The following PCDH15 variants were observed in gnomAD, a reference collection of about 807,000 sequenced individuals.
PCDH15 encodes protocadherin related 15, also known as protocadherin-15.
In PCDH15, 129 loss-of-function variants were observed where a neutral mutation model predicts 178.5. The observed-to-expected ratio is 0.72, with a 90% CI of 0.63 to 0.84. The LOEUF is 0.84. Ranked by LOEUF, PCDH15 falls within the 40% of genes least tolerant of loss-of-function variation. The pLI is 0.00. For synonymous variants in PCDH15, 800 were observed against 732.0 expected, an observed-to-expected ratio of 1.09 and a Z score of -1.50; for missense variants, 2,230 against 2,099.9, an observed-to-expected ratio of 1.06 and a Z score of -1.21.
At chr10:53,849,368 T>A (rs2078193876) in intron 28 of PCDH15, among the ~76,000 whole-genome samples, 1 of 152,142 alleles carries the variant, frequency 6.6e-6, no homozygotes, top group Admixed American at 6.6e-5. Flanking sequence ...AAACAGAAGC[T>A]GTTATAATAG....
At chr10:54,098,321 T>C (rs528840521) in intron 15 of PCDH15, among the ~76,000 whole-genome samples, 1 of 151,994 alleles carries the variant, frequency 6.6e-6, no homozygotes, top group African/African-American at 2.4e-5. Context: ...CACACTGATA[T>C]AAATATTTCA....
At chr10:55,063,682 G>A (rs1190888751) in intron 2 of PCDH15, among the ~76,000 whole-genome samples, 4 of 152,066 alleles carry the variant, frequency 2.6e-5, no homozygotes, top group Non-Finnish European at 4.4e-5. Flanking sequence ...CAACAGATAC[G>A]CATAAACATT....
intron 18 of PCDH15, among the ~76,000 whole-genome samples, chr10:54,065,622 T>G (rs7917052): frequency 0.4 from 61,537 of 152,022 alleles, 12,911 homozygotes; most frequent in Middle Eastern, 0.55. Flanking sequence ...CCTATGTGAA[T>G]TGGGATGGCA....
chr10:54,663,629 A>G lies in PCDH15; in HGVS notation c.91+543T>C, dbSNP rs1236946199. On this transcript the variant is annotated intron_variant, in intron 2 of 37. Coordinates refer to ENST00000644397, the MANE Select transcript of PCDH15 (RefSeq NM_001384140.1). ...CTGACTTACTGTTAGGGGAAAGCTT[A>G]AGAAATCAAATACCAAATCAAATAC... 1.3e-4 allele frequency among the ~76,000 whole-genome samples: 19 copies of G among 151,122 alleles called. No individual in the cohort carries two copies. In the Admixed American group the frequency reaches 1.3e-3, roughly 10 times the overall value.
chr10:54,347,479 A>G (rs978131635), intron 5 of PCDH15, among the ~76,000 whole-genome samples: 3 of 152,090 alleles, frequency 2.0e-5, no homozygotes, highest in Admixed American at 1.3e-4. Flanking sequence ...TACAGACTGG[A>G]CGCTTTTAAT....
At chr10:54,714,358 T>TA (rs1566014446) in intron 1 of PCDH15, among the ~76,000 whole-genome samples, 1 of 152,134 alleles carries the variant, frequency 6.6e-6, no homozygotes, top group East Asian at 1.9e-4. Flanking sequence ...TAATAGAACT[T>TA]ACAGCACGTA....
chr10:54,673,484 G>C (rs1227712016), intron 1 of PCDH15, among the ~76,000 whole-genome samples: 1 of 152,104 alleles, frequency 6.6e-6, no homozygotes, highest in Non-Finnish European at 1.5e-5. Context: ...TGTTGCCCAG[G>C]CTGGAGTGCA....
chr10:54,541,500 A>T (rs1027462164), intron 2 of PCDH15, among the ~76,000 whole-genome samples: 3 of 152,122 alleles, frequency 2.0e-5, no homozygotes, highest in Admixed American at 1.3e-4. Flanking sequence ...CTCTTTTTTG[A>T]TACATACAGT....
chr10:54,887,431 T>C (rs1311444607), intron 3 of PCDH15, among the ~76,000 whole-genome samples: 2 of 152,176 alleles, frequency 1.3e-5, no homozygotes, highest in Non-Finnish European at 2.9e-5. Flanking sequence ...TCTAAGTGAT[T>C]ATATCCCGTT....
At chr10:55,143,489 T>C (rs773096103) in intron 2 of PCDH15, among the ~76,000 whole-genome samples, 4 of 152,174 alleles carry the variant, frequency 2.6e-5, no homozygotes, top group Non-Finnish European at 5.9e-5. Flanking sequence ...CATCTATCAA[T>C]ACTTTAGATT....
chr10:55,158,097 TACAC>T (rs61483631), intron 2 of PCDH15, among the ~76,000 whole-genome samples: 2 of 122,634 alleles, frequency 1.6e-5, no homozygotes, highest in Non-Finnish European at 1.8e-5. Flanking sequence ...TATATATATA[TACAC>T]ATATCTTTTA....
chr10:54,068,071 G>A (rs1230572671), intron 17 of PCDH15, among the ~76,000 whole-genome samples: 3 of 151,968 alleles, frequency 2.0e-5, no homozygotes, highest in Non-Finnish European at 4.4e-5. Flanking sequence ...GCAAGTCATG[G>A]TGCTTGGGAA....
rs2078910308 is a variant in PCDH15 at position 54,483,956 on chromosome 10, T to A, written c.157+43856A>T. 3.3e-5 allele frequency among the ~76,000 whole-genome samples: 5 copies of A among 151,912 alleles called. No individual in the cohort carries two copies. The South Asian group carries it at 1.0e-3, about 31-fold the overall frequency. On this transcript the variant is annotated intron_variant, in intron 3 of 37. Transcript: ENST00000644397. ...TCCAAACTTGAGTTTGACACATTTT[T>A]AATACCTATGCTATTCCTTACAAGC...
intron 1 of PCDH15, among the ~76,000 whole-genome samples, chr10:54,728,026 T>A (rs1942817850): frequency 6.6e-6 from 1 of 151,438 alleles, no homozygotes; most frequent in Non-Finnish European, 1.5e-5. Flanking sequence ...CTGGTACCAA[T>A]CCTACTGAAA....
At chr10:55,165,656 G>C (rs1417550662) in intron 2 of PCDH15, among the ~76,000 whole-genome samples, 2 of 152,082 alleles carry the variant, frequency 1.3e-5, no homozygotes, top group East Asian at 3.9e-4. Context: ...GTGGATGAAA[G>C]AGAGTTTTTT....
intron 13 of PCDH15, among the ~76,000 whole-genome samples, chr10:54,169,275 G>A (rs1437179648): frequency 5.1e-5 from 3 of 58,554 alleles, no homozygotes; most frequent in South Asian, 3.9e-4. Context: ...CACGGACGCC[G>A]AGCTTCGGGT....
chr10:55,609,953 A>T (rs150023176), intron 2 of PCDH15, among the ~76,000 whole-genome samples: 1 of 152,168 alleles, frequency 6.6e-6, no homozygotes, highest in Non-Finnish European at 1.5e-5. Context: ...AAACTGTCAT[A>T]ATAAGGAGAA....
At chr10:54,618,565 G>C (rs1240530364) in intron 2 of PCDH15, among the ~76,000 whole-genome samples, 1 of 152,012 alleles carries the variant, frequency 6.6e-6, no homozygotes, top group African/African-American at 2.4e-5. Flanking sequence ...GAGTTACTAG[G>C]ATTGTAAAGA....
chr10:54,816,568 G>A (rs1952953094), intron 3 of PCDH15, among the ~76,000 whole-genome samples: 1 of 151,932 alleles, frequency 6.6e-6, no homozygotes, highest in African/African-American at 2.4e-5. Context: ...ATTTGTGTGG[G>A]CAGAAAAGTA....
Sources: allele counts gnomAD v4.1 joint callset (sites outside exome capture counted in the v4.1 genomes callset), GRCh38; gene constraint gnomAD v4.1.1; transcripts MANE v1.5; gene names NCBI Gene and HGNC (gene_info 2026-07-23, HGNC 2026-07-21).